Variants in CELF2 observed in about 807,000 individuals in gnomAD.
CELF2 encodes CUG triplet repeat RNA-binding protein 2.
In CELF2, 8 loss-of-function variants were observed where a neutral mutation model predicts 62.6. The observed-to-expected ratio is 0.13, with a 90% CI of 0.07 to 0.23. CELF2 has a LOEUF of 0.23. Among genes scored for constraint, CELF2 ranks in the 10% least tolerant of loss-of-function variants. The probability of loss-of-function intolerance (pLI) is 1.00; values close to 1 mark genes in which losing one functional copy is unlikely to be tolerated. For synonymous variants in CELF2, 258 were observed against 250.0 expected (o/e 1.03, Z -0.30); for missense variants, 333 against 671.0 (o/e 0.50, Z 5.56).
At position 11,017,931 on chromosome 10, in the gene CELF2, G is replaced by A. The variant is rs2057526215; in HGVS notation, c.-159G>A. ...GCCGCCCCGGCGCTGGATTTCGGAG[G>A]GGATTGGCGGAGCGCGAGGAGAGAA... On this transcript the variant is annotated 5_prime_UTR_variant, in exon 1 of 13. Transcript: ENST00000633077. This position sits in a 1 kb window ranked among gnomAD's most constrained non-coding sequence, Gnocchi z 5.5. 5.1e-6 allele frequency: 5 copies of A among 983,832 alleles called. No individual in the cohort carries two copies. Among genetic ancestry groups the A allele is most frequent in the Non-Finnish European group, 6.0e-6 (5 of 830,302 alleles). 60.9% of individuals were successfully genotyped at this position (983,832 alleles called of 1,614,324 possible). A position where few individuals can be genotyped will look rare whatever the true frequency, so the allele number is the denominator to read the frequency against.
In CELF2 at chr10:11,331,801, A is replaced by ATAATC. The variant is rs1215562106; in HGVS notation, c.*2751_*2755dup. ...GGCAACCTCACCATGTATTTTCTTCATAATCTATGGAAACCTCTAAGGTGA... is the reference window on the plus strand; with the variant it reads ...GGCAACCTCACCATGTATTTTCTTCATAATCTAATCTATGGAAACCTCTAAGGTGA... On this transcript the variant is annotated 3_prime_UTR_variant, in exon 13 of 13. Coordinates refer to ENST00000633077, the MANE Select transcript of CELF2 (RefSeq NM_001326342.2). 1.3e-5 allele frequency: 2 copies of ATAATC among 152,604 alleles called. No individual in the cohort carries two copies. Among genetic ancestry groups the ATAATC allele is most frequent in the East Asian group, 1.9e-4 (1 of 5,196 alleles). The allele number at this position is 152,604 out of a possible 1,614,324, so 9.5% of individuals were successfully genotyped here.
At chr10:11,252,244 A>G (rs2077373086) in intron 4 of CELF2, among the ~76,000 whole-genome samples, 1 of 152,240 alleles carries the variant, frequency 6.6e-6, no homozygotes, top group Non-Finnish European at 1.5e-5. Context: ...ACAGGTAAGC[A>G]TAGTTTCAAA....
chr10:11,314,116 T>C lies in CELF2; in HGVS notation c.977-23T>C, dbSNP rs2094755497. 2 of 1,497,484 alleles carry C rather than the reference T, an allele frequency of 1.3e-6. No individual in the cohort carries two copies. The highest frequency in any genetic ancestry group is 1.8e-6 in the Non-Finnish European group (2 of 1,128,066). The allele number at this position is 1,497,484 out of a possible 1,614,324, so 92.8% of individuals were successfully genotyped here. A position where few individuals can be genotyped will look rare whatever the true frequency, so the allele number is the denominator to read the frequency against. On this transcript the variant is annotated intron_variant, in intron 9 of 12. Transcript: ENST00000633077. This position sits in a 1 kb window ranked among gnomAD's most constrained non-coding sequence, Gnocchi z 5.3. Reference sequence around the variant, plus strand: ...ACTCACCTCGTGTCTTCTCTCCCCTTGTCTCTGTTTTCCTTTTTTCAGTGG... The same window carrying C: ...ACTCACCTCGTGTCTTCTCTCCCCTCGTCTCTGTTTTCCTTTTTTCAGTGG...
At chr10:10,616,666 A>G in the CELF2 span, among the ~76,000 whole-genome samples, 1 of 145,298 alleles carries the variant, frequency 6.9e-6, no homozygotes, top group East Asian at 2.1e-4. Context: ...CTTCCTCCTC[A>G]CCCAAATTCG....
the CELF2 span, among the ~76,000 whole-genome samples, chr10:10,543,903 G>C: frequency 1.3e-5 from 2 of 152,204 alleles, no homozygotes; most frequent in East Asian, 3.8e-4. Context: ...CATGCAGTGA[G>C]TCTTGCCTTG....
rs967624305 is a variant in CELF2, at chr10:11,246,269, A to T, written c.355-2884A>T. ...CATTTTTGTGTCCCAGGCATAATGT[A>T]GGTGCGCTCACCTCATCTCTCCCAT... On this transcript the variant is annotated intron_variant, in intron 3 of 12. Transcript: ENST00000633077. The surrounding 1 kb of genome is among the most constrained non-coding windows in gnomAD (Gnocchi z 4.6). 6.6e-6 allele frequency among the ~76,000 whole-genome samples: 1 copy of T among 152,106 alleles called. No homozygotes were observed. The highest frequency in any genetic ancestry group is 2.4e-5 in the African/African-American group (1 of 41,390).
chr10:11,330,349 A>G lies in CELF2; in HGVS notation c.*1296A>G, dbSNP rs2095980559. Reference sequence around the variant, plus strand: ...TATGTGAATGGCTCGGAGACTCCCTAATGACCTAAGATTTGCATTAGTTTT... The same window carrying G: ...TATGTGAATGGCTCGGAGACTCCCTGATGACCTAAGATTTGCATTAGTTTT... On this transcript the variant is annotated 3_prime_UTR_variant, in exon 13 of 13. Coordinates refer to ENST00000633077, the MANE Select transcript of CELF2 (RefSeq NM_001326342.2). The surrounding 1 kb of genome is among the most constrained non-coding windows in gnomAD (Gnocchi z 4.5). 2 of 152,190 alleles carry G rather than the reference A, an allele frequency of 1.3e-5. No homozygotes were observed. The highest frequency in any genetic ancestry group is 2.1e-4 in the South Asian group (1 of 4,822). 9.4% of individuals were successfully genotyped at this position (152,190 alleles called of 1,614,324 possible).
At chr10:11,055,394 AAACTGAGAGAAAGAAT>A (rs1376030056) in intron 1 of CELF2, among the ~76,000 whole-genome samples, 6 of 152,364 alleles carry the variant, frequency 3.9e-5, no homozygotes, top group Admixed American at 3.3e-4. Flanking sequence ...TGAGTCAGAA[AAACTGAGAGAAAGAAT>A]AATAAAGGGA....
At chr10:11,197,060 A>AGAAAGAAAGAAAGAAAGAAAGAAAG (rs1350011258) in intron 2 of CELF2, among the ~76,000 whole-genome samples, 1 of 106,544 alleles carries the variant, frequency 9.4e-6, no homozygotes, top group African/African-American at 4.2e-5. Flanking sequence ...AAAGAAAGAA[A>AGAAAGAAAGAAAGAAAGAAAGAAAG]AGAAAGAAAG....
At position 10,806,124 on chromosome 10, in the gene CELF2, C is replaced by T. The variant is rs574744860; in HGVS notation, c.53+7307C>T. On this transcript the variant is annotated intron_variant, in intron 1 of 13. Transcript: ENST00000636488. ...CCTGGTTTACGGTTTGGATTTTTGT[C>T]ATCATGGTGTAGACATTAATGTCAC... 2.6e-5 allele frequency among the ~76,000 whole-genome samples: 4 copies of T among 151,786 alleles called. No homozygotes were observed. The South Asian group carries it at 8.4e-4, about 32-fold the overall frequency.
At chr10:10,914,489 C>G (rs549134419) in intron 1 of CELF2, among the ~76,000 whole-genome samples, 1 of 152,304 alleles carries the variant, frequency 6.6e-6, no homozygotes, top group East Asian at 1.9e-4. Context: ...TTAAGGAATG[C>G]TAAATAATCT....
intron 12 of CELF2, among the ~76,000 whole-genome samples, chr10:11,326,699 C>A (rs12782642): frequency 0.074 from 11,233 of 152,176 alleles, 546 homozygotes; most frequent in Non-Finnish European, 0.11. Flanking sequence ...ATTTTTCAAA[C>A]CCTATTGGCC....
intron 5 of CELF2, among the ~76,000 whole-genome samples, chr10:11,259,225 C>T (rs1435279027): frequency 6.6e-6 from 1 of 152,186 alleles, no homozygotes; most frequent in Non-Finnish European, 1.5e-5. Context: ...GACTTCAGCA[C>T]CATGTGAGGA....
At chr10:10,782,188 G>A in the CELF2 span, among the ~76,000 whole-genome samples, 26 of 152,316 alleles carry the variant, frequency 1.7e-4, no homozygotes, top group South Asian at 6.2e-4. Flanking sequence ...TTTATTATGA[G>A]AAATTGGTTC....
the CELF2 span, among the ~76,000 whole-genome samples, chr10:10,780,513 G>T: frequency 1.3e-5 from 2 of 151,900 alleles, no homozygotes; most frequent in East Asian, 3.9e-4. Flanking sequence ...ATGGAGTCTC[G>T]CTCTGTTGCC....
chr10:10,809,624 GTACT>G (rs1196901251), intron 1 of CELF2, among the ~76,000 whole-genome samples: 2 of 152,128 alleles, frequency 1.3e-5, no homozygotes, highest in Non-Finnish European at 1.5e-5. Context: ...TGATGCTTTA[GTACT>G]TACTTGAAAA....
chr10:11,051,991 C>T (rs1467904468), intron 1 of CELF2, among the ~76,000 whole-genome samples: 1 of 151,646 alleles, frequency 6.6e-6, no homozygotes, highest in Non-Finnish European at 1.5e-5. Context: ...CTCCAACCTC[C>T]ACCTACCAGG....
intron 1 of CELF2, among the ~76,000 whole-genome samples, chr10:11,079,854 A>G (rs2762551): frequency 0.061 from 9,202 of 151,738 alleles, 479 homozygotes; most frequent in African/African-American, 0.15. Context: ...GTATCATCAC[A>G]TATGATCAGA....
At chr10:10,499,085 T>TG in the CELF2 span, among the ~76,000 whole-genome samples, 1 of 151,704 alleles carries the variant, frequency 6.6e-6, no homozygotes, top group Non-Finnish European at 1.5e-5. Context: ...TTTTTTTTTT[T>TG]TGAGAGAGTC....
Sources: allele counts gnomAD v4.1 joint callset (sites outside exome capture counted in the v4.1 genomes callset), GRCh38; gene constraint gnomAD v4.1.1; non-coding constraint Gnocchi (gnomAD v3.1); transcripts MANE v1.5; gene names NCBI Gene and HGNC (gene_info 2026-07-23, HGNC 2026-07-21).